Variants in BICD1 observed in about 807,000 individuals in gnomAD.
The protein encoded by BICD1 is BICD cargo adaptor 1.
A neutral mutation model predicts 92.5 loss-of-function variants in BICD1; 35 were observed. The observed-to-expected ratio is 0.38, with a 90% CI of 0.29 to 0.50. The LOEUF (loss-of-function observed/expected upper bound fraction) is 0.50, where lower values mean the gene tolerates loss of function less well. Ranked by LOEUF, BICD1 falls within the 20% of genes least tolerant of loss-of-function variation. The probability of loss-of-function intolerance (pLI) is 0.93; values close to 1 mark genes in which losing one functional copy is unlikely to be tolerated. For synonymous variants in BICD1, 429 were observed against 465.1 expected, an observed-to-expected ratio of 0.92 and a Z score of 1.00; for missense variants, 950 against 1,189.8, an observed-to-expected ratio of 0.80 and a Z score of 2.97.
intron 1 of BICD1, among the ~76,000 whole-genome samples, chr12:32,130,062 G>T (rs2668295): frequency 6.6e-6 from 1 of 152,000 alleles, no homozygotes; most frequent in African/African-American, 2.4e-5. Context: ...AGGACAAAGA[G>T]CAACTAGTCA....
At chr12:32,225,434 G>A (rs549219161) in intron 2 of BICD1, among the ~76,000 whole-genome samples, 13 of 151,968 alleles carry the variant, frequency 8.6e-5, no homozygotes, top group Non-Finnish European at 1.8e-4. Context: ...GTACACTTAC[G>A]TTTTCGTGAA....
Position 32,337,514 on chromosome 12 carries a change from C to A in BICD1, c.2268C>A (p.Val756=). 6.2e-7 allele frequency: 1 copy of A among 1,609,924 alleles called. No homozygotes were observed. The highest frequency in any genetic ancestry group is 1.1e-5 in the South Asian group (1 of 91,040). ...TTGGTTCCAGATGTGATGAATATGT[C>A]ACCCAGTTGGATGAGATGCAGAGAC... ...AMFATRCDEY[V]TQLDEMQRQL... Residue 756 remains valine, a synonymous_variant, in exon 7 of 10, where the codon GTC becomes GTA. Coordinates refer to ENST00000652176, the MANE Select transcript of BICD1 (RefSeq NM_001714.4). This position sits in a 1 kb window ranked among gnomAD's most constrained non-coding sequence, Gnocchi z 4.7.
intron 9 of BICD1, among the ~76,000 whole-genome samples, chr12:32,371,156 A>C (rs1939724405): frequency 6.6e-6 from 1 of 152,216 alleles, no homozygotes; most frequent in Non-Finnish European, 1.5e-5. Flanking sequence ...ACTTTAAAGA[A>C]AAGCAATTTA....
intron 6 of BICD1, among the ~76,000 whole-genome samples, chr12:32,335,312 G>A (rs1938062256): frequency 1.3e-5 from 2 of 151,910 alleles, no homozygotes; most frequent in South Asian, 2.1e-4. Context: ...CACCACGCCC[G>A]GCTAATTTTT....
At chr12:32,112,073 C>G (rs575866311) in intron 1 of BICD1, among the ~76,000 whole-genome samples, 2 of 122,490 alleles carry the variant, frequency 1.6e-5, no homozygotes, top group Non-Finnish European at 3.2e-5. Flanking sequence ...ATGGTGTGAT[C>G]TCGGCTCACC....
intron 2 of BICD1, among the ~76,000 whole-genome samples, chr12:32,284,197 A>T (rs1947496540): frequency 6.6e-6 from 1 of 152,216 alleles, no homozygotes; most frequent in African/African-American, 2.4e-5. Context: ...ACTCCCTGCC[A>T]GTGGCACTCC....
At position 32,215,975 on chromosome 12, in the gene BICD1, A is replaced by AAG. The variant is rs1555148835; in HGVS notation, c.214-272_214-271insAG. ...TCTCAAAAAAAAAAAAAAAAAAAAA[A>AAG]GGAGAACATAAAGCAAGTAACAATG... On this transcript the variant is annotated intron_variant, in intron 1 of 9. Transcript: ENST00000652176. 4.4e-3 allele frequency among the ~76,000 whole-genome samples: 634 copies of AAG among 143,842 alleles called. 13 individuals are homozygous for AAG. The highest frequency in any genetic ancestry group is 0.022 in the Middle Eastern group (6 of 272). 94.4% of individuals were successfully genotyped at this position (143,842 alleles called of 152,430 possible).
At chr12:32,375,563 T>C (rs971607188) in intron 9 of BICD1, among the ~76,000 whole-genome samples, 8 of 152,146 alleles carry the variant, frequency 5.3e-5, no homozygotes, top group Non-Finnish European at 1.2e-4. Context: ...CGCTATTTTC[T>C]TAGGCTTTTT....
intron 1 of BICD1, among the ~76,000 whole-genome samples, chr12:32,198,729 C>T (rs1592461394): frequency 6.6e-6 from 1 of 152,038 alleles, no homozygotes; most frequent in East Asian, 1.9e-4. Flanking sequence ...CTAAACCTAT[C>T]ATCCTCAACC....
rs73303909 is a variant in BICD1, at chr12:32,346,698, A to T, written c.2764+7719A>T. Among the ~76,000 whole-genome samples the T allele has an allele frequency of 2.9e-5, 4 of 137,486 alleles. No individual in the cohort carries two copies. In the East Asian group the frequency reaches 8.6e-4, roughly 30 times the overall value. 90.2% of individuals were successfully genotyped at this position (137,486 alleles called of 152,430 possible). ...CACACACACATACACATACATACAC[A>T]TTCTGTTTTTCTTATTCAGTCTTTG... On this transcript the variant is annotated intron_variant, in intron 8 of 9. Coordinates refer to ENST00000652176, the MANE Select transcript of BICD1 (RefSeq NM_001714.4).
chr12:32,233,084 G>A (rs2121588931), intron 2 of BICD1, among the ~76,000 whole-genome samples: 1 of 152,164 alleles, frequency 6.6e-6, no homozygotes, highest in Middle Eastern at 3.4e-3. Flanking sequence ...CTTGCTGGGA[G>A]GCCAAGGCGG....
intron 2 of BICD1, among the ~76,000 whole-genome samples, chr12:32,260,076 C>A (rs1946818001): frequency 6.6e-6 from 1 of 151,742 alleles, no homozygotes. Flanking sequence ...AGGCATGCAC[C>A]ACCACGCCCA....
chr12:32,292,486 A>G (rs1348872374), intron 2 of BICD1, among the ~76,000 whole-genome samples: 1 of 152,206 alleles, frequency 6.6e-6, no homozygotes, highest in East Asian at 1.9e-4. Context: ...TTGGGAGACA[A>G]TTGAACCTAC....
chr12:32,236,102 C>T (rs1238857263), intron 2 of BICD1, among the ~76,000 whole-genome samples: 2 of 151,658 alleles, frequency 1.3e-5, no homozygotes, highest in Non-Finnish European at 2.9e-5. Context: ...ATCCATATAA[C>T]ACTTAATTGA....
chr12:32,341,240 C>G (rs1363385790), intron 8 of BICD1, among the ~76,000 whole-genome samples: 1 of 151,984 alleles, frequency 6.6e-6, no homozygotes, highest in Non-Finnish European at 1.5e-5. Flanking sequence ...CTTTGGGAGG[C>G]CAAGGCAGGT....
intron 3 of BICD1, among the ~76,000 whole-genome samples, chr12:32,299,681 C>A (rs1313695567): frequency 1.3e-5 from 2 of 152,016 alleles, no homozygotes; most frequent in African/African-American, 2.4e-5. Context: ...CATAGTGAGA[C>A]CTCGTCTCTA....
intron 1 of BICD1, among the ~76,000 whole-genome samples, chr12:32,188,067 T>C (rs1423638693): frequency 6.6e-6 from 1 of 152,044 alleles, no homozygotes; most frequent in Non-Finnish European, 1.5e-5. Context: ...GCCTCCTGAA[T>C]AGCTGGGATT....
At chr12:32,244,365 T>C (rs1417521045) in intron 2 of BICD1, among the ~76,000 whole-genome samples, 1 of 152,146 alleles carries the variant, frequency 6.6e-6, no homozygotes, top group Non-Finnish European at 1.5e-5. Context: ...CAAATCATCA[T>C]AGCAAGGTTT....
At chr12:32,147,387 A>G (rs1047546126) in intron 1 of BICD1, among the ~76,000 whole-genome samples, 2 of 152,188 alleles carry the variant, frequency 1.3e-5, no homozygotes, top group African/African-American at 4.8e-5. Context: ...AAGGTCGTTC[A>G]GGTGGCGGTG....
Sources: allele counts gnomAD v4.1 joint callset (sites outside exome capture counted in the v4.1 genomes callset), GRCh38; gene constraint gnomAD v4.1.1; non-coding constraint Gnocchi (gnomAD v3.1); transcripts MANE v1.5; gene names NCBI Gene and HGNC (gene_info 2026-07-23, HGNC 2026-07-21).